Variants in MORC1 observed in about 807,000 individuals in gnomAD.
MORC1 encodes the protein MORC family CW-type zinc finger protein 1.
Under a neutral mutation model 134.9 loss-of-function variants are expected in MORC1, and 59 were observed. The observed-to-expected ratio is 0.44, with a 90% confidence interval of 0.35 to 0.54. MORC1 has a LOEUF of 0.54. Ranked by LOEUF, MORC1 falls within the 20% of genes least tolerant of loss-of-function variation. The pLI, the probability that MORC1 is intolerant of heterozygous loss-of-function variation, is 0.00. For synonymous variants in MORC1, 395 were observed against 391.7 expected, an observed-to-expected ratio of 1.01 and a Z score of -0.10; for missense variants, 947 against 1,134.5, an observed-to-expected ratio of 0.83 and a Z score of 2.37.
In MORC1 at chr3:108,959,047, A is replaced by G. The variant is rs1947010330; in HGVS notation, c.2873T>C (p.Phe958Ser). The G allele has an allele frequency of 6.4e-7, 1 of 1,567,326 alleles. No homozygotes were observed. The change falls in exon 28 of 28, where the codon TTC (phenylalanine) becomes TCC (serine). Residue 958 changes from phenylalanine (F) to serine (S), a missense_variant. Transcript: ENST00000232603. ...EALLKEDNLL[F>S]QNNLNKVTID... ...AGTTACTTTATTTAAATTGTTCTGG[A>G]AGAGAAGATTATCTTCTTTAAGCAA...
At chr3:109,051,491 C>T (rs1197777260) in intron 14 of MORC1, among the ~76,000 whole-genome samples, 1 of 152,070 alleles carries the variant, frequency 6.6e-6, no homozygotes, top group Non-Finnish European at 1.5e-5. Context: ...CAATTCTGAC[C>T]TTGATTACTT....
chr3:109,104,010 A>G (rs1950977029), intron 3 of MORC1, 93 bp from the exon 4 acceptor site: 2 of 1,141,488 alleles, frequency 1.8e-6, no homozygotes, highest in Non-Finnish European at 2.6e-6. Flanking sequence ...TCTTCCTCCA[A>G]TGCAGCCACA....
intron 14 of MORC1, among the ~76,000 whole-genome samples, chr3:109,036,935 C>T (rs2107621138): frequency 6.6e-6 from 1 of 152,258 alleles, no homozygotes; most frequent in South Asian, 2.1e-4. Flanking sequence ...TACTAATCTG[C>T]CGTGTTGACT....
intron 3 of MORC1, among the ~76,000 whole-genome samples, chr3:109,105,283 G>A (rs547095400): frequency 2.8e-4 from 43 of 152,266 alleles, no homozygotes; most frequent in African/African-American, 9.1e-4. Context: ...CCAGCACTTC[G>A]GGAGGCCAAG....
chr3:108,961,639 T>C (rs971782628), intron 27 of MORC1, among the ~76,000 whole-genome samples: 2 of 152,192 alleles, frequency 1.3e-5, no homozygotes, highest in Admixed American at 1.3e-4. Context: ...GAGTAATACA[T>C]TTGGGCAGGA....
rs1559929074 is a variant in MORC1, at chr3:109,061,982, T to C, written c.966+6A>G. 4.3e-6 allele frequency: 7 copies of C among 1,612,872 alleles called. No homozygotes were observed. The South Asian group carries it at 7.7e-5, about 18-fold the overall frequency. The stretch of plus-strand genomic sequence containing the variant: ...TTAATAAGACTACTCTCTTTACATG[T>C]CGTACCTTGGCAGAAGATAAAGAGG... On this transcript the variant is annotated splice_donor_region_variant and intron_variant, in intron 11 of 27. Coordinates refer to ENST00000232603, the MANE Select transcript of MORC1 (RefSeq NM_014429.4).
At chr3:108,980,974 T>C (rs1219566277) in intron 23 of MORC1, among the ~76,000 whole-genome samples, 1 of 152,110 alleles carries the variant, frequency 6.6e-6, no homozygotes, top group African/African-American at 2.4e-5. Context: ...ATTGGAAGTT[T>C]TCAGGCATGG....
At chr3:109,063,875 AG>A (rs1385799674) in intron 9 of MORC1, among the ~76,000 whole-genome samples, 2 of 152,142 alleles carry the variant, frequency 1.3e-5, no homozygotes, top group Non-Finnish European at 2.9e-5. Context: ...TACAGTTGAA[AG>A]TATGTGCACC....
At chr3:109,109,341 G>A (rs1951111982) in intron 3 of MORC1, among the ~76,000 whole-genome samples, 1 of 151,986 alleles carries the variant, frequency 6.6e-6, no homozygotes, top group African/African-American at 2.4e-5. Flanking sequence ...ATTTTTCTCA[G>A]TGCACTATCC....
rs3804692 is a variant in MORC1, at chr3:109,023,377, G to A, written c.1704+4374C>T. Among the ~76,000 whole-genome samples, 116 of 152,322 alleles carry A rather than the reference G, an allele frequency of 7.6e-4. 4 individuals are homozygous for A. The East Asian group carries it at 0.018, about 24-fold the overall frequency. On this transcript the variant is annotated intron_variant, in intron 17 of 27. Coordinates refer to ENST00000232603, the MANE Select transcript of MORC1 (RefSeq NM_014429.4). ...CAAGAAATGTATAGTAAATACAAAA[G>A]ATTAATTCAGAAAGACCTAGGGGAC... is the stretch of plus-strand genomic sequence containing the variant.
At chr3:109,061,223 C>G (rs1322692122) in intron 11 of MORC1, among the ~76,000 whole-genome samples, 2 of 152,266 alleles carry the variant, frequency 1.3e-5, no homozygotes, top group African/African-American at 4.8e-5. Flanking sequence ...AGGCATTTTA[C>G]CTCCATATTC....
intron 8 of MORC1, among the ~76,000 whole-genome samples, chr3:109,082,165 T>G (rs553635156): frequency 6.6e-6 from 1 of 151,776 alleles, no homozygotes; most frequent in Non-Finnish European, 1.5e-5. Flanking sequence ...AGGGCAGTGC[T>G]CTGATGATTT....
intron 21 of MORC1, among the ~76,000 whole-genome samples, chr3:108,987,393 T>C (rs1011018061): frequency 6.6e-6 from 1 of 152,160 alleles, no homozygotes; most frequent in African/African-American, 2.4e-5. Flanking sequence ...ATGAAAACTT[T>C]GAAGAGTTTG....
At chr3:108,997,304 G>A (rs1228707221) in intron 21 of MORC1, among the ~76,000 whole-genome samples, 2 of 152,302 alleles carry the variant, frequency 1.3e-5, no homozygotes, top group Middle Eastern at 3.4e-3. Flanking sequence ...AGGCCAAGGT[G>A]GGTGGATCAC....
intron 21 of MORC1, among the ~76,000 whole-genome samples, chr3:108,996,286 G>GCGCGCA: frequency 1.4e-5 from 2 of 146,382 alleles, no homozygotes; most frequent in African/African-American, 5.1e-5. Flanking sequence ...GCGCGCGCGC[G>GCGCGCA]CACACACACA....
intron 14 of MORC1, among the ~76,000 whole-genome samples, chr3:109,046,461 A>G (rs1169634072): frequency 1.3e-5 from 2 of 152,208 alleles, no homozygotes; most frequent in African/African-American, 4.8e-5. Context: ...AGACATAAAA[A>G]TCAAGTCCAA....
At chr3:109,060,760 A>C (rs1298913729) in intron 11 of MORC1, among the ~76,000 whole-genome samples, 3 of 152,170 alleles carry the variant, frequency 2.0e-5, no homozygotes, top group Non-Finnish European at 2.9e-5. Flanking sequence ...CAAATTGGTC[A>C]AGGACTTCCC....
Position 109,035,342 on chromosome 3 carries a change from C to G in MORC1, c.1457G>C (p.Cys486Ser), listed in dbSNP as rs202101788. 1 of 1,586,108 alleles carries G rather than the reference C, an allele frequency of 6.3e-7. No individual in the cohort carries two copies. Among genetic ancestry groups the G allele is most frequent in the Admixed American group, 1.8e-5 (1 of 55,886 alleles). ...TTATAATGGACTTCAACACTCACCA[C>G]ATTGTATGATGAATGGGATACCCAT... ...QAMGIPFIIQ[C>S]DLCLKWRVLP... The change falls in exon 15 of 28, where the codon TGT (cysteine) becomes TCT (serine). Residue 486 changes from cysteine to serine, a missense_variant and splice_region_variant. By Grantham distance (112) the Cys-to-Ser change is moderately radical. This residue lies in a region of MORC1 where 722 missense variants were observed against 817.0 expected (regional missense o/e 0.88). Transcript: ENST00000232603.
Position 109,093,470 on chromosome 3 carries a change from T to C in MORC1, c.655A>G (p.Lys219Glu), listed in dbSNP as rs1323727305. 18 of 1,613,742 alleles carry C rather than the reference T, an allele frequency of 1.1e-5. No homozygotes were observed. Among genetic ancestry groups the C allele is most frequent in the Non-Finnish European group, 1.4e-5 (16 of 1,179,792 alleles). The stretch of plus-strand genomic sequence containing the variant: ...GCTCCAGCCATCAGTATATCTTCTT[T>C]GTCAGTTTTAACATCCAACTCTGGT... ...GEPELDVKTDKEDILMAGALE... is the reference protein window; with the variant it reads ...GEPELDVKTDEEDILMAGALE... The change falls in exon 8 of 28, where the codon AAA becomes GAA. Residue 219 changes from lysine to glutamate, a missense_variant. Lys to Glu is a moderately conservative substitution (Grantham distance 56). Transcript: ENST00000232603.
Sources: allele counts gnomAD v4.1 joint callset (sites outside exome capture counted in the v4.1 genomes callset), GRCh38; gene constraint gnomAD v4.1.1; regional missense constraint gnomAD v4.1.1; transcripts MANE v1.5; gene names NCBI Gene and HGNC (gene_info 2026-07-23, HGNC 2026-07-21).